Variants in LPGAT1 observed in about 807,000 individuals in gnomAD.
LPGAT1 encodes acyl-CoA:lysophosphatidylglycerol acyltransferase 1.
A neutral mutation model predicts 47.5 loss-of-function variants in LPGAT1; 11 were observed. The ratio of observed to expected loss-of-function variants is 0.23; its 90% CI spans 0.15 to 0.38. The LOEUF is 0.38. Ranked by LOEUF, LPGAT1 falls within the 10% of genes least tolerant of loss-of-function variation. The probability of loss-of-function intolerance (pLI) is 1.00; values close to 1 mark genes in which losing one functional copy is unlikely to be tolerated. For synonymous variants in LPGAT1, 138 were observed against 144.2 expected, an observed-to-expected ratio of 0.96 and a Z score of 0.31; for missense variants, 293 against 439.0, an observed-to-expected ratio of 0.67 and a Z score of 2.97.
intron 3 of LPGAT1, among the ~76,000 whole-genome samples, chr1:211,789,668 T>C (rs1454340854): frequency 6.6e-6 from 1 of 151,984 alleles, no homozygotes; most frequent in Non-Finnish European, 1.5e-5. Context: ...GATCACGAGG[T>C]CAAGAGATCG....
chr1:211,816,069 C>G (rs1331508903), intron 2 of LPGAT1, among the ~76,000 whole-genome samples: 1 of 152,144 alleles, frequency 6.6e-6, no homozygotes, highest in Non-Finnish European at 1.5e-5. Context: ...GCGTGAGCCA[C>G]TGCGCCTGGC....
rs1657053991 is a variant in LPGAT1 at position 211,748,868 on chromosome 1, C to G, written c.*1031G>C. 1 of 152,528 alleles carries G rather than the reference C, an allele frequency of 6.6e-6. No homozygotes were observed. The highest frequency in any genetic ancestry group is 1.5e-5 in the Non-Finnish European group (1 of 68,058). The allele number at this position is 152,528 out of a possible 1,614,324, so 9.4% of individuals were successfully genotyped here. On this transcript the variant is annotated 3_prime_UTR_variant, in exon 8 of 8. Transcript: ENST00000366997. ...CTGTCACCATTATAAGCCACTAGCT[C>G]TTATTTTTCTATAAACTAGCCTATT...
chr1:211,782,604 A>G (rs1341955274), intron 5 of LPGAT1, among the ~76,000 whole-genome samples: 1 of 152,104 alleles, frequency 6.6e-6, no homozygotes, highest in Non-Finnish European at 1.5e-5. Context: ...GCATGGTGGC[A>G]TGTGCCTACA....
chr1:211,818,568 T>G (rs574206416), intron 2 of LPGAT1, among the ~76,000 whole-genome samples: 2 of 152,342 alleles, frequency 1.3e-5, no homozygotes, highest in South Asian at 4.1e-4. Context: ...GCCACTAATT[T>G]GCAAACTCTG....
At chr1:211,770,740 GACTC>G (rs1658131692) in intron 6 of LPGAT1, among the ~76,000 whole-genome samples, 1 of 152,148 alleles carries the variant, frequency 6.6e-6, no homozygotes, top group Non-Finnish European at 1.5e-5. Context: ...ATCACTCACT[GACTC>G]ACTCAGAGCA....
chr1:211,815,924 G>A (rs906737073), intron 2 of LPGAT1, among the ~76,000 whole-genome samples: 20 of 151,606 alleles, frequency 1.3e-4, no homozygotes, highest in Middle Eastern at 3.2e-3. Flanking sequence ...GACTACAGGC[G>A]CCCGCCACCA....
At chr1:211,806,231 G>A in intron 2 of LPGAT1, among the ~76,000 whole-genome samples, 1 of 149,080 alleles carries the variant, frequency 6.7e-6, no homozygotes, top group South Asian at 2.1e-4. Context: ...CTGTATTACA[G>A]CCTGGGAAAC....
intron 5 of LPGAT1, among the ~76,000 whole-genome samples, chr1:211,780,833 A>G (rs1408742807): frequency 1.3e-5 from 2 of 152,220 alleles, no homozygotes; most frequent in Non-Finnish European, 2.9e-5. Context: ...AAGGATGAAG[A>G]GATAATCTAG....
At chr1:211,811,996 C>T (rs1163230342) in intron 2 of LPGAT1, among the ~76,000 whole-genome samples, 1 of 152,216 alleles carries the variant, frequency 6.6e-6, no homozygotes, top group East Asian at 1.9e-4. Flanking sequence ...ACATTGTGCA[C>T]ATTACCTAAC....
At chr1:211,820,004 G>T (rs144172919) in intron 2 of LPGAT1, among the ~76,000 whole-genome samples, 2 of 151,980 alleles carry the variant, frequency 1.3e-5, no homozygotes, top group African/African-American at 4.8e-5. Context: ...AAGGCAGGCA[G>T]GGGGGTGGTT....
At chr1:211,802,087 CAAAA>C (rs758493700) in intron 2 of LPGAT1, among the ~76,000 whole-genome samples, 4 of 108,544 alleles carry the variant, frequency 3.7e-5, no homozygotes, top group Admixed American at 1.0e-4. Flanking sequence ...GACTCTGTCT[CAAAA>C]AAAAAAAAAA....
chr1:211,786,163 G>T (rs1658870925), intron 4 of LPGAT1, among the ~76,000 whole-genome samples: 1 of 152,094 alleles, frequency 6.6e-6, no homozygotes, highest in Admixed American at 6.5e-5. Context: ...GTGGTTCCAG[G>T]GTATGCTTAT....
rs1660681217 is a variant in LPGAT1 at position 211,830,156 on chromosome 1, C to A, written c.-28+417G>T. On this transcript the variant is annotated intron_variant, in intron 1 of 7. Transcript: ENST00000366997. The surrounding 1 kb of genome is among the most constrained non-coding windows in gnomAD (Gnocchi z 5.9). Reference sequence around the variant, plus strand: ...CGCGGATGTGGAAGGGTCGTGGCGGCGGGCGCGGCCCGCGCGCCGGGCTCA... The same window carrying A: ...CGCGGATGTGGAAGGGTCGTGGCGGAGGGCGCGGCCCGCGCGCCGGGCTCA... The A allele has an allele frequency of 3.1e-6, 3 of 983,202 alleles. No individual in the cohort carries two copies. Among genetic ancestry groups the A allele is most frequent in the Non-Finnish European group, 2.4e-6 (2 of 829,240 alleles). 60.9% of individuals were successfully genotyped at this position (983,202 alleles called of 1,614,324 possible).
chr1:211,827,318 GAAGAGA>G (rs1660569996), intron 2 of LPGAT1, among the ~76,000 whole-genome samples: 1 of 152,120 alleles, frequency 6.6e-6, no homozygotes, highest in Non-Finnish European at 1.5e-5. Flanking sequence ...AGTCAGCAAG[GAAGAGA>G]TACCCCAAGA....
chr1:211,753,894 C>A (rs1354216120), intron 6 of LPGAT1, among the ~76,000 whole-genome samples: 2 of 152,238 alleles, frequency 1.3e-5, no homozygotes, highest in Non-Finnish European at 2.9e-5. Context: ...GTTACCCTCA[C>A]TGAGGATTAT....
chr1:211,749,882 C>A lies in LPGAT1; in HGVS notation c.*17G>T, dbSNP rs757102740. 2.8e-5 allele frequency: 45 copies of A among 1,612,922 alleles called. No individual in the cohort carries two copies. Among genetic ancestry groups the A allele is most frequent in the Non-Finnish European group, 2.5e-6 (3 of 1,179,568 alleles). On this transcript the variant is annotated 3_prime_UTR_variant, in exon 8 of 8. Coordinates refer to ENST00000366997, the MANE Select transcript of LPGAT1 (RefSeq NM_014873.3). ...GTCTGAACTCCTACGGTGACCTTGA[C>A]AAGTCCACGTCAATTCCTAAAACAG...
intron 5 of LPGAT1, among the ~76,000 whole-genome samples, chr1:211,779,308 T>C (rs1340590632): frequency 2.6e-5 from 4 of 152,178 alleles, no homozygotes; most frequent in Non-Finnish European, 5.9e-5. Flanking sequence ...GATACAATTA[T>C]GCACTATGAA....
intron 3 of LPGAT1, among the ~76,000 whole-genome samples, chr1:211,791,118 T>A (rs113081127): frequency 1.1e-4 from 17 of 152,228 alleles, no homozygotes; most frequent in Admixed American, 5.9e-4. Flanking sequence ...GGATTTAATT[T>A]TTCCACATTC....
In LPGAT1 at chr1:211,783,477, A is replaced by C. The variant is rs761385314; in HGVS notation, c.479T>G (p.Leu160Arg). The C allele has an allele frequency of 2.5e-6, 4 of 1,613,798 alleles. No individual in the cohort carries two copies. The highest frequency in any genetic ancestry group is 3.4e-6 in the Non-Finnish European group (4 of 1,179,882). Reference sequence around the variant, plus strand: ...TTCTAAGTGCTTCTTGAGAAGCAGCAGCTGTTGGTCACGATAAGATCTTCC... The same window carrying C: ...TTCTAAGTGCTTCTTGAGAAGCAGCCGCTGTTGGTCACGATAAGATCTTCC... Reference protein sequence around the residue: ...RQGRSYRDQQLLLLKKHLENN... With the variant: ...RQGRSYRDQQRLLLKKHLENN... The change falls in exon 5 of 8, where the codon CTG (leucine) becomes CGG (arginine). Residue 160 changes from leucine (L) to arginine (R), a missense_variant. Leu to Arg is a moderately radical substitution (Grantham distance 102, BLOSUM62 -2). Coordinates refer to ENST00000366997, the MANE Select transcript of LPGAT1 (RefSeq NM_014873.3).
Sources: allele counts gnomAD v4.1 joint callset (sites outside exome capture counted in the v4.1 genomes callset), GRCh38; gene constraint gnomAD v4.1.1; non-coding constraint Gnocchi (gnomAD v3.1); transcripts MANE v1.5; gene names NCBI Gene and HGNC (gene_info 2026-07-23, HGNC 2026-07-21).